Variants in CSMD1 observed in about 807,000 individuals in gnomAD.
CSMD1 encodes CUB and Sushi multiple domains 1.
In CSMD1, 213 loss-of-function variants were observed where a neutral mutation model predicts 417.5. The observed-to-expected ratio is 0.51, with a 90% CI of 0.46 to 0.57. The LOEUF (loss-of-function observed/expected upper bound fraction) is 0.57, where lower values mean the gene tolerates loss of function less well. CSMD1 is among the 20% of genes least tolerant of loss of function. CSMD1 has a pLI of 0.00. For missense variants in CSMD1, 6,923 were observed against 4,529.7 expected (o/e 1.53, Z -15.17); for synonymous variants, 2,862 against 1,736.8 (o/e 1.65, Z -16.11).
At chr8:4,513,909 G>C (rs1307825741) in intron 2 of CSMD1, among the ~76,000 whole-genome samples, 2 of 152,102 alleles carry the variant, frequency 1.3e-5, no homozygotes, top group East Asian at 1.9e-4. Context: ...TTGCTAATTT[G>C]AAGTGTGATG....
chr8:2,954,620 C>G lies in CSMD1; in HGVS notation c.9995-352G>C, dbSNP rs563935240. 7.2e-5 allele frequency among the ~76,000 whole-genome samples: 11 copies of G among 152,258 alleles called. No individual in the cohort carries two copies. In the East Asian group the frequency reaches 2.1e-3, roughly 29 times the overall value. On this transcript the variant is annotated intron_variant, in intron 64 of 69. Coordinates refer to ENST00000635120, the MANE Select transcript of CSMD1 (RefSeq NM_033225.6). ...AAAAGGTAACACCCCACCCAAATAA[C>G]CATGATGTTACAGTCCCTCTTCATT...
chr8:3,963,645 C>A (rs1368345315), intron 5 of CSMD1, among the ~76,000 whole-genome samples: 1 of 151,990 alleles, frequency 6.6e-6, no homozygotes, highest in African/African-American at 2.4e-5. Flanking sequence ...TTTTTAAATA[C>A]TAAAGCTATG....
chr8:3,455,496 G>C (rs6991403), intron 12 of CSMD1, among the ~76,000 whole-genome samples: 1 of 152,152 alleles, frequency 6.6e-6, no homozygotes, highest in East Asian at 1.9e-4. Flanking sequence ...TTTTGGTGTG[G>C]ATGTCCTTTC....
At chr8:3,890,061 A>G (rs992318341) in intron 5 of CSMD1, among the ~76,000 whole-genome samples, 3 of 152,134 alleles carry the variant, frequency 2.0e-5, no homozygotes, top group African/African-American at 7.2e-5. Context: ...ATCCCAATTT[A>G]TCATTGCATT....
At chr8:4,320,667 G>C (rs1386382507) in intron 3 of CSMD1, among the ~76,000 whole-genome samples, 2 of 152,134 alleles carry the variant, frequency 1.3e-5, no homozygotes, top group East Asian at 1.9e-4. Context: ...CTTCATCGAT[G>C]TCCTGCAAAG....
chr8:3,183,231 A>C (rs1304192302), intron 36 of CSMD1: 1 of 130,898 alleles, frequency 7.6e-6, no homozygotes, highest in South Asian at 2.5e-4. Context: ...AACGTTTCTT[A>C]ACGATACCAT....
At chr8:3,186,440 T>C (rs750065611) in intron 36 of CSMD1, among the ~76,000 whole-genome samples, 5 of 152,194 alleles carry the variant, frequency 3.3e-5, no homozygotes, top group Non-Finnish European at 4.4e-5. Context: ...GAATGACAGA[T>C]AACAATAAGA....
chr8:3,580,545 G>A (rs906203453), intron 9 of CSMD1, among the ~76,000 whole-genome samples: 1 of 152,086 alleles, frequency 6.6e-6, no homozygotes, highest in Non-Finnish European at 1.5e-5. Flanking sequence ...AGTAGTATAA[G>A]ATACAAAACT....
intron 26 of CSMD1, among the ~76,000 whole-genome samples, chr8:3,274,696 C>G (rs1175464870): frequency 6.6e-6 from 1 of 152,076 alleles, no homozygotes; most frequent in Non-Finnish European, 1.5e-5. Context: ...CCTTCTTTGT[C>G]TCTTTTGATC....
chr8:4,386,615 CAG>C (rs1803472217), intron 3 of CSMD1, among the ~76,000 whole-genome samples: 2 of 152,186 alleles, frequency 1.3e-5, no homozygotes, highest in African/African-American at 4.8e-5. Context: ...TATATTTAAT[CAG>C]AGAGACCCTG....
chr8:4,425,151 C>G (rs1028452782), intron 2 of CSMD1, among the ~76,000 whole-genome samples: 2 of 152,042 alleles, frequency 1.3e-5, no homozygotes, highest in East Asian at 1.9e-4. Context: ...TTTCATGTCC[C>G]TTTAAATTAT....
chr8:3,111,276 T>C (rs2129016286), intron 42 of CSMD1, among the ~76,000 whole-genome samples: 1 of 152,336 alleles, frequency 6.6e-6, no homozygotes, highest in Non-Finnish European at 1.5e-5. Flanking sequence ...TATGATACAC[T>C]GTTGAACTGC....
intron 2 of CSMD1, among the ~76,000 whole-genome samples, chr8:4,465,989 G>C (rs1312887023): frequency 6.6e-6 from 1 of 152,192 alleles, no homozygotes; most frequent in Non-Finnish European, 1.5e-5. Flanking sequence ...GATGGGAAAA[G>C]ACTGAGACAT....
intron 3 of CSMD1, among the ~76,000 whole-genome samples, chr8:4,337,610 T>C (rs1486719978): frequency 6.6e-6 from 1 of 152,140 alleles, no homozygotes; most frequent in Non-Finnish European, 1.5e-5. Flanking sequence ...GGACAGTAAA[T>C]ATTTTAGACA....
chr8:4,712,239 T>C (rs1051981283), intron 1 of CSMD1, among the ~76,000 whole-genome samples: 1 of 152,200 alleles, frequency 6.6e-6, no homozygotes, highest in Admixed American at 6.5e-5. Flanking sequence ...TCAGTGCAAA[T>C]AGCATCATTC....
Position 4,173,393 on chromosome 8 carries a change from A to C in CSMD1, c.416-141294T>G, listed in dbSNP as rs117452773. ...GAAGATGAGACAGAGGCATAAAGAG[A>C]AGTTTGCATTTAACGTGGTGACTAC... On this transcript the variant is annotated intron_variant, in intron 3 of 69. Coordinates refer to ENST00000635120, the MANE Select transcript of CSMD1 (RefSeq NM_033225.6). 9.8e-4 allele frequency among the ~76,000 whole-genome samples: 149 copies of C among 152,264 alleles called. 1 individual carries two copies. In the South Asian group the frequency reaches 0.013, roughly 13 times the overall value.
chr8:3,460,085 G>C (rs541460936), intron 12 of CSMD1, among the ~76,000 whole-genome samples: 1 of 152,092 alleles, frequency 6.6e-6, no homozygotes, highest in Non-Finnish European at 1.5e-5. Flanking sequence ...TCTGTCTCCT[G>C]GGAAGAAAGG....
At chr8:3,829,751 C>A (rs1484855158) in intron 5 of CSMD1, among the ~76,000 whole-genome samples, 1 of 151,904 alleles carries the variant, frequency 6.6e-6, no homozygotes, top group Non-Finnish European at 1.5e-5. Flanking sequence ...CTCATTATAC[C>A]CCAATTATGT....
chr8:4,811,010 T>C (rs1018499823), intron 1 of CSMD1, among the ~76,000 whole-genome samples: 5 of 152,214 alleles, frequency 3.3e-5, no homozygotes, highest in African/African-American at 4.8e-5. Flanking sequence ...TCATTTTCTG[T>C]ACTATTCCAC....
Sources: allele counts gnomAD v4.1 joint callset (sites outside exome capture counted in the v4.1 genomes callset), GRCh38; gene constraint gnomAD v4.1.1; transcripts MANE v1.5; gene names NCBI Gene and HGNC (gene_info 2026-07-23, HGNC 2026-07-21).